Variants in PHACTR4 observed in about 807,000 individuals in gnomAD.
PHACTR4 encodes protein phosphatase 1, regulatory subunit 124.
In PHACTR4, 51 loss-of-function variants were observed where a neutral mutation model predicts 72.7. The observed-to-expected ratio is 0.70, with a 90% CI of 0.56 to 0.89. The LOEUF (loss-of-function observed/expected upper bound fraction) is 0.89, where lower values mean the gene tolerates loss of function less well. Ranked by LOEUF, PHACTR4 falls within the 40% of genes least tolerant of loss-of-function variation. PHACTR4 has a pLI of 0.00. For synonymous variants in PHACTR4, 255 were observed against 302.5 expected (o/e 0.84, Z 1.63); for missense variants, 731 against 861.8 (o/e 0.85, Z 1.90).
intron 1 of PHACTR4, among the ~76,000 whole-genome samples, chr1:28,403,189 C>G (rs555459945): frequency 2.0e-5 from 3 of 152,274 alleles, no homozygotes; most frequent in Admixed American, 6.5e-5. Context: ...GGGATCAACA[C>G]CCGTAGAAGG....
chr1:28,442,043 A>G (rs1657072190), intron 2 of PHACTR4, among the ~76,000 whole-genome samples: 1 of 152,232 alleles, frequency 6.6e-6, no homozygotes, highest in African/African-American at 2.4e-5. Flanking sequence ...CTTAATGAAC[A>G]TAAAAACTGT....
chr1:28,451,807 A>ATT (rs35473752), intron 2 of PHACTR4, among the ~76,000 whole-genome samples: 19 of 146,694 alleles, frequency 1.3e-4, no homozygotes, highest in African/African-American at 2.7e-4. Context: ...CACTTGGCTA[A>ATT]TTTTTTTTTT....
At chr1:28,425,996 A>G (rs61783830) in intron 2 of PHACTR4, among the ~76,000 whole-genome samples, 58,572 of 151,490 alleles carry the variant, frequency 0.39, 12,985 homozygotes, top group African/African-American at 0.6. Flanking sequence ...AGAGATGGGC[A>G]GATCACCTGA....
chr1:28,492,910 G>A, intron 12 of PHACTR4, 105 bp from the exon 13 acceptor site: 1 of 938,386 alleles, frequency 1.1e-6, no homozygotes, highest in Non-Finnish European at 1.7e-6. Flanking sequence ...CCTGTGAGGG[G>A]TTGCAGTGAC....
intron 9 of PHACTR4, among the ~76,000 whole-genome samples, chr1:28,482,885 G>A (rs1323999613): frequency 6.6e-6 from 1 of 150,674 alleles, no homozygotes; most frequent in Non-Finnish European, 1.5e-5. Context: ...GCCGCAGTAT[G>A]CTGTAATTGC....
intron 9 of PHACTR4, among the ~76,000 whole-genome samples, chr1:28,480,880 C>T (rs988670497): frequency 5.3e-5 from 8 of 151,956 alleles, no homozygotes; most frequent in South Asian, 4.1e-4. Context: ...GCAAAGACAG[C>T]GTTTCGCCAT....
chr1:28,419,761 A>G (rs1160815904), intron 2 of PHACTR4, among the ~76,000 whole-genome samples: 1 of 152,206 alleles, frequency 6.6e-6, no homozygotes, highest in Non-Finnish European at 1.5e-5. Flanking sequence ...TTATTCTTAA[A>G]TACTTAAATA....
chr1:28,372,734 C>T (rs1444184137), intron 1 of PHACTR4, among the ~76,000 whole-genome samples: 1 of 151,660 alleles, frequency 6.6e-6, no homozygotes. Context: ...CATCTGTAAT[C>T]CCAGCTACTT....
intron 2 of PHACTR4, among the ~76,000 whole-genome samples, chr1:28,426,474 A>G (rs905326720): frequency 6.6e-6 from 1 of 151,842 alleles, no homozygotes; most frequent in Non-Finnish European, 1.5e-5. Flanking sequence ...TGGCTAACAC[A>G]GTGAAACCCC....
intron 13 of PHACTR4, among the ~76,000 whole-genome samples, chr1:28,496,026 GT>G (rs1661327957): frequency 6.9e-6 from 1 of 145,664 alleles, no homozygotes; most frequent in Non-Finnish European, 1.5e-5. Flanking sequence ...AAAAGATAGT[GT>G]TACAGAAGCC....
intron 2 of PHACTR4, among the ~76,000 whole-genome samples, chr1:28,441,258 T>C (rs761092346): frequency 6.6e-6 from 1 of 152,104 alleles, no homozygotes; most frequent in Non-Finnish European, 1.5e-5. Flanking sequence ...AATATTTGTG[T>C]GTGTGAAAAT....
At chr1:28,496,080 G>C (rs540246387) in intron 13 of PHACTR4, among the ~76,000 whole-genome samples, 1 of 117,150 alleles carries the variant, frequency 8.5e-6, no homozygotes, top group East Asian at 2.6e-4. Context: ...TTTTTGAGAC[G>C]GAGTCTCGCT....
rs898187408 is a variant in PHACTR4, at chr1:28,369,809, C to T, written c.-55C>T. Reference sequence around the variant, plus strand: ...GAGGCTGCTGTGGAGGCTGAGGAGGCGGCGGCGGAGATCTGGGTAAGTTCA... The same window carrying T: ...GAGGCTGCTGTGGAGGCTGAGGAGGTGGCGGCGGAGATCTGGGTAAGTTCA... On this transcript the variant is annotated 5_prime_UTR_variant, in exon 1 of 14. Coordinates refer to ENST00000373839, the MANE Select transcript of PHACTR4 (RefSeq NM_001048183.3). The T allele has an allele frequency of 3.9e-5, 18 of 458,134 alleles. No individual in the cohort carries two copies. Among genetic ancestry groups the T allele is most frequent in the Non-Finnish European group, 7.4e-5 (17 of 229,304 alleles). 28.4% of individuals were successfully genotyped at this position (458,134 alleles called of 1,614,324 possible). A position where few individuals can be genotyped will look rare whatever the true frequency, so the allele number is the denominator to read the frequency against.
intron 1 of PHACTR4, among the ~76,000 whole-genome samples, chr1:28,373,721 C>T (rs991736106): frequency 9.2e-5 from 14 of 152,142 alleles, no homozygotes; most frequent in Non-Finnish European, 8.8e-5. Context: ...TCACCATGCC[C>T]GGCCTCCCAG....
At chr1:28,394,249 A>G (rs987254707) in intron 1 of PHACTR4, among the ~76,000 whole-genome samples, 1 of 150,408 alleles carries the variant, frequency 6.6e-6, no homozygotes, top group African/African-American at 2.4e-5. Context: ...AGTTTTAGAA[A>G]GTAAAAAAAA....
chr1:28,421,734 C>T (rs1165083529), intron 2 of PHACTR4, among the ~76,000 whole-genome samples: 1 of 152,114 alleles, frequency 6.6e-6, no homozygotes, highest in Non-Finnish European at 1.5e-5. Flanking sequence ...AGCAAGAAGG[C>T]TTAAGAATTA....
At chr1:28,482,355 T>G (rs1479303335) in intron 9 of PHACTR4, among the ~76,000 whole-genome samples, 1 of 152,206 alleles carries the variant, frequency 6.6e-6, no homozygotes, top group Non-Finnish European at 1.5e-5. Flanking sequence ...ACACCCATAT[T>G]TGCATTATAT....
rs367803241 is a variant in PHACTR4 at position 28,377,948 on chromosome 1, A to G, written c.-39+8123A>G. On this transcript the variant is annotated intron_variant, in intron 1 of 13. Coordinates refer to ENST00000373839, the MANE Select transcript of PHACTR4 (RefSeq NM_001048183.3). ...TGTGTTGGCTCACGCCTGTAATCCC[A>G]GCACTTTGGGAGGCTGAGGCGGGCG... Among the ~76,000 whole-genome samples the G allele has an allele frequency of 2.3e-4, 35 of 152,168 alleles. No homozygotes were observed. In the South Asian group the frequency reaches 7.3e-3, roughly 32 times the overall value.
chr1:28,395,844 G>GTTT (rs1653457900), intron 1 of PHACTR4, among the ~76,000 whole-genome samples: 2 of 57,776 alleles, frequency 3.5e-5, no homozygotes, highest in African/African-American at 1.3e-4. Context: ...TTTTTTTTTA[G>GTTT]TAGAGACGGG....
Sources: allele counts gnomAD v4.1 joint callset (sites outside exome capture counted in the v4.1 genomes callset), GRCh38; gene constraint gnomAD v4.1.1; transcripts MANE v1.5; gene names NCBI Gene and HGNC (gene_info 2026-07-23, HGNC 2026-07-21).